The following DYM variants were observed in gnomAD, a reference collection of about 807,000 sequenced individuals.
DYM encodes the protein dymeclin, also known as dyggve-Melchior-Clausen syndrome protein.
DYM carries 78 observed loss-of-function variants against 93.1 expected under a neutral mutation model. The observed-to-expected ratio is 0.84, with a 90% CI of 0.70 to 1.01. The LOEUF is 1.01. DYM is among the 50% of genes least tolerant of loss of function. DYM has a pLI of 0.00. For missense variants in DYM, 789 were observed against 845.0 expected (o/e 0.93, Z 0.82); for synonymous variants, 321 against 319.7 (o/e 1.00, Z -0.04).
At chr18:49,304,653 T>C (rs745866540) in intron 8 of DYM, among the ~76,000 whole-genome samples, 2 of 152,066 alleles carry the variant, frequency 1.3e-5, no homozygotes, top group Non-Finnish European at 2.9e-5. Flanking sequence ...TCCAAGTCAT[T>C]TCTCCTCAAA....
intron 14 of DYM, among the ~76,000 whole-genome samples, chr18:49,186,326 A>G (rs1278490938): frequency 6.6e-6 from 1 of 152,136 alleles, no homozygotes; most frequent in African/African-American, 2.4e-5. Flanking sequence ...TTTAAAGCAC[A>G]ACTTTTTTTC....
chr18:49,057,518 G>A (rs754124333), intron 17 of DYM, among the ~76,000 whole-genome samples: 18 of 152,196 alleles, frequency 1.2e-4, no homozygotes, highest in African/African-American at 1.9e-4. Context: ...TAACTGGGGC[G>A]GGGGGTTTGG....
At chr18:49,358,710 G>T (rs574478053) in intron 6 of DYM, among the ~76,000 whole-genome samples, 2 of 152,248 alleles carry the variant, frequency 1.3e-5, no homozygotes, top group South Asian at 4.1e-4. Context: ...TTGGGTCTGA[G>T]GCCAATAGAA....
At chr18:49,095,594 C>G (rs1326946174) in intron 17 of DYM, among the ~76,000 whole-genome samples, 1 of 152,044 alleles carries the variant, frequency 6.6e-6, no homozygotes, top group East Asian at 1.9e-4. Flanking sequence ...AGAAATTTAC[C>G]CATGACCTTG....
chr18:49,146,076 A>G (rs1306119997), intron 15 of DYM, among the ~76,000 whole-genome samples: 1 of 152,140 alleles, frequency 6.6e-6, no homozygotes, highest in Non-Finnish European at 1.5e-5. Context: ...CTTCTCTCCC[A>G]GCATCTGACT....
intron 5 of DYM, among the ~76,000 whole-genome samples, chr18:49,369,436 A>G (rs1191035906): frequency 6.6e-6 from 1 of 152,218 alleles, no homozygotes. Flanking sequence ...ATGCCTTCAG[A>G]GACCCCTGGC....
At chr18:49,076,143 A>AT (rs11406641) in intron 17 of DYM, among the ~76,000 whole-genome samples, 152,046 of 152,338 alleles carry the variant, frequency 1, 75,879 homozygotes, top group Middle Eastern at 1. Flanking sequence ...AAATATTTTC[A>AT]TTTGGGGAAT....
At chr18:49,264,629 A>G (rs1012643130) in intron 11 of DYM, among the ~76,000 whole-genome samples, 4 of 152,122 alleles carry the variant, frequency 2.6e-5, no homozygotes, top group African/African-American at 9.7e-5. Context: ...CCGGGTCTCT[A>G]TTCTGTTTTT....
intron 9 of DYM, 83 bp downstream of exon 9, chr18:49,286,351 C>T (rs2059662261): frequency 2.0e-6 from 3 of 1,513,622 alleles, no homozygotes; most frequent in African/African-American, 1.4e-5. Context: ...ACACTCATCT[C>T]CAAAACTATA....
chr18:49,099,882 A>AG (rs1242891477), intron 16 of DYM, among the ~76,000 whole-genome samples: 1 of 152,122 alleles, frequency 6.6e-6, no homozygotes, highest in Non-Finnish European at 1.5e-5. Flanking sequence ...TTCCAGGAGG[A>AG]GGGGGATGCC....
chr18:49,177,110 A>G (rs559057577), intron 14 of DYM, among the ~76,000 whole-genome samples: 17 of 152,288 alleles, frequency 1.1e-4, no homozygotes, highest in Admixed American at 9.8e-4. Flanking sequence ...CAGTGTCACT[A>G]ATTTATGGGA....
At chr18:49,391,558 GAAAACA>G (rs2069253134) in intron 3 of DYM, 29 bp downstream of exon 3, 1 of 1,606,118 alleles carries the variant, frequency 6.2e-7, no homozygotes. Context: ...AACAAAATTT[GAAAACA>G]ACACCCCACA....
intron 8 of DYM, among the ~76,000 whole-genome samples, chr18:49,330,647 C>T (rs1436682094): frequency 2.0e-5 from 3 of 152,106 alleles, no homozygotes; most frequent in African/African-American, 7.2e-5. Context: ...CCAAAAAAAC[C>T]TCTAACCATA....
Position 49,043,741 on chromosome 18 carries a change from G to A in DYM, c.*314C>T, listed in dbSNP as rs2071108249. On this transcript the variant is annotated 3_prime_UTR_variant, in exon 18 of 18. Transcript: ENST00000675505. ...AGTGTGCACTGTTGAAGTGTGATGTGCCTAAGGCAACAGGATCTTGGGAAA... is the reference window on the plus strand; with the variant it reads ...AGTGTGCACTGTTGAAGTGTGATGTACCTAAGGCAACAGGATCTTGGGAAA... 1 of 388,414 alleles carries A rather than the reference G, an allele frequency of 2.6e-6. No individual in the cohort carries two copies. 24.1% of individuals were successfully genotyped at this position (388,414 alleles called of 1,614,324 possible). A position where few individuals can be genotyped will look rare whatever the true frequency, so the allele number is the denominator to read the frequency against.
chr18:49,230,744 T>G (rs541747811), intron 13 of DYM, among the ~76,000 whole-genome samples: 19 of 152,354 alleles, frequency 1.2e-4, no homozygotes, highest in Middle Eastern at 3.4e-3. Flanking sequence ...GTATACTTGG[T>G]TTGGTAGTCT....
intron 16 of DYM, among the ~76,000 whole-genome samples, chr18:49,115,587 G>A (rs2081857279): frequency 6.6e-6 from 1 of 152,290 alleles, no homozygotes; most frequent in Non-Finnish European, 1.5e-5. Context: ...TGCCACAAGG[G>A]CAGACTGAAA....
intron 1 of DYM, among the ~76,000 whole-genome samples, chr18:49,432,857 A>G (rs967231358): frequency 6.6e-6 from 1 of 152,158 alleles, no homozygotes; most frequent in Non-Finnish European, 1.5e-5. Flanking sequence ...CTTGGCTTCA[A>G]CCACAGTGCT....
At chr18:49,260,559 C>CCAAGAAAAAAAT (rs2094473741) in intron 11 of DYM, among the ~76,000 whole-genome samples, 1 of 151,960 alleles carries the variant, frequency 6.6e-6, no homozygotes, top group Non-Finnish European at 1.5e-5. Flanking sequence ...ATTCAACATT[C>CCAAGAAAAAAAT]CAAGAAAAAA....
intron 8 of DYM, among the ~76,000 whole-genome samples, chr18:49,316,265 G>C (rs1599365130): frequency 6.6e-6 from 1 of 152,138 alleles, no homozygotes; most frequent in African/African-American, 2.4e-5. Context: ...CTGGGTGACA[G>C]AGTGAGACGC....
Sources: gnomAD v4.1 joint callset for allele counts (sites outside exome capture counted in the v4.1 genomes callset) on GRCh38, gnomAD v4.1.1 for gene constraint, MANE v1.5 for transcripts, NCBI Gene and HGNC (gene_info 2026-07-23, HGNC 2026-07-21) for gene names.